The following NOMO1 variants were observed in gnomAD, a reference collection of about 807,000 sequenced individuals.
The protein encoded by NOMO1 is NODAL modulator 1, also known as nodal modulator 3.
Under a neutral mutation model 133.8 loss-of-function variants are expected in NOMO1, and 40 were observed. The observed-to-expected ratio is 0.30, with a 90% CI of 0.23 to 0.39. The LOEUF is 0.39. NOMO1 is among the 10% of genes least tolerant of loss of function. The pLI is 1.00. For synonymous variants in NOMO1, 236 were observed against 570.5 expected (o/e 0.41, Z 8.36); for missense variants, 462 against 1,419.9 (o/e 0.33, Z 10.84).
Position 14,853,475 on chromosome 16 carries a change from G to A in NOMO1, c.744G>A (p.Leu248=), listed in dbSNP as rs1327800434. Residue 248 remains leucine (L), a synonymous_variant, in exon 8 of 31, where the codon CTG becomes CTA. Coordinates refer to ENST00000287667, the MANE Select transcript of NOMO1 (RefSeq NM_014287.4). ...TTTACCCCCTGGCATAGGATGTCCT[G>A]GGCTGCAATGTCTCACCAGTGCCTG... ...FSSLVTKEDV[L]GCNVSPVPGF... The A allele has an allele frequency of 3.8e-6, 6 of 1,579,114 alleles. No homozygotes were observed. The highest frequency in any genetic ancestry group is 5.1e-6 in the Non-Finnish European group (6 of 1,166,730).
chr16:14,836,706 T>TC (rs1432248510), intron 1 of NOMO1, among the ~76,000 whole-genome samples: 1 of 147,814 alleles, frequency 6.8e-6, no homozygotes, highest in Non-Finnish European at 1.5e-5. Context: ...TTTTTTTTTT[T>TC]TTTTTTTTTT....
At chr16:14,876,609 C>A (rs1449378781) in intron 21 of NOMO1, 55 bp from the exon 22 acceptor site, 1 of 1,610,772 alleles carries the variant, frequency 6.2e-7, no homozygotes, top group South Asian at 1.1e-5. Flanking sequence ...CTTGGTAAGG[C>A]TTCCTGCAGG....
chr16:14,890,257 C>CA (rs1439053735), intron 29 of NOMO1, among the ~76,000 whole-genome samples: 1 of 119,698 alleles, frequency 8.4e-6, no homozygotes, highest in East Asian at 2.6e-4. Context: ...ATTAAACAGA[C>CA]ACATCAGCAA....
Position 14,833,783 on chromosome 16 carries a change from C to T in NOMO1, c.-69C>T, listed in dbSNP as rs918596505. The T allele has an allele frequency of 1.3e-4, 56 of 428,434 alleles. No individual in the cohort carries two copies. Among genetic ancestry groups the T allele is most frequent in the Middle Eastern group, 1.2e-3 (2 of 1,692 alleles). 26.5% of individuals were successfully genotyped at this position (428,434 alleles called of 1,614,324 possible). ...CAGCCGGCCTAGGAGGAGGAAGGAG[C>T]CTGCGGCGTGCAGTGTGAGGGGCGG... On this transcript the variant is annotated 5_prime_UTR_variant, in exon 1 of 31. Transcript: ENST00000287667.
chr16:14,851,825 A>G (rs1480385221), intron 6 of NOMO1, among the ~76,000 whole-genome samples: 1 of 62,510 alleles, frequency 1.6e-5, no homozygotes, highest in African/African-American at 4.1e-5. Context: ...AAAATAGAAA[A>G]AAAGGCAAAA....
intron 1 of NOMO1, 22 bp downstream of exon 1, chr16:14,834,038 C>T: frequency 3.4e-6 from 1 of 296,752 alleles, no homozygotes; most frequent in Non-Finnish European, 5.1e-6. Context: ...CCCCGCCGCC[C>T]GGCGCCGAGT....
At chr16:14,864,364 A>T (rs1197437013) in intron 12 of NOMO1, among the ~76,000 whole-genome samples, 1 of 151,978 alleles carries the variant, frequency 6.6e-6, no homozygotes, top group Admixed American at 6.6e-5. Flanking sequence ...TTGTTCATAC[A>T]CATCGGTCTG....
chr16:14,841,965 G>C (rs1384834441), intron 3 of NOMO1, among the ~76,000 whole-genome samples: 1 of 151,868 alleles, frequency 6.6e-6, no homozygotes, highest in Non-Finnish European at 1.5e-5. Flanking sequence ...CTGGGTACTT[G>C]GACGATTAAT....
At chr16:14,873,267 C>G (rs1397461789) in intron 18 of NOMO1, among the ~76,000 whole-genome samples, 1 of 123,224 alleles carries the variant, frequency 8.1e-6, no homozygotes, top group East Asian at 2.0e-4. Context: ...ATGCAATTGA[C>G]ATGTTTTACA....
At chr16:14,866,308 C>T (rs565536962) in intron 14 of NOMO1, among the ~76,000 whole-genome samples, 5 of 150,538 alleles carry the variant, frequency 3.3e-5, no homozygotes, top group South Asian at 2.1e-4. Context: ...CATCCAAGTG[C>T]GTCGGCCTCC....
At chr16:14,885,740 G>A (rs960199624) in intron 27 of NOMO1, among the ~76,000 whole-genome samples, 10 of 151,790 alleles carry the variant, frequency 6.6e-5, no homozygotes, top group East Asian at 1.9e-4. Flanking sequence ...AGGGGAGGGC[G>A]CCACTCTCTT....
chr16:14,854,262 A>G (rs1431386807), intron 9 of NOMO1, among the ~76,000 whole-genome samples: 1 of 122,022 alleles, frequency 8.2e-6, no homozygotes, highest in Non-Finnish European at 1.7e-5. Flanking sequence ...CATGCATTTC[A>G]GGCACCATTC....
intron 1 of NOMO1, among the ~76,000 whole-genome samples, chr16:14,836,737 C>T (rs1159997586): frequency 1.7e-4 from 22 of 130,806 alleles, no homozygotes; most frequent in Admixed American, 1.2e-3. Context: ...CTCGCTCTGT[C>T]GCCCAGGCCG....
chr16:14,864,422 G>A lies in NOMO1; in HGVS notation c.1396-163G>A, dbSNP rs561523984. Among the ~76,000 whole-genome samples, 43 of 152,154 alleles carry A rather than the reference G, an allele frequency of 2.8e-4. 1 individual carries two copies. The East Asian group carries it at 7.0e-3, about 25-fold the overall frequency. ...GTAGAACTGTGCTTACTTCACACAA[G>A]TTATTCGTGGATTTGTTGTGATTGT... On this transcript the variant is annotated intron_variant, in intron 12 of 30. Coordinates refer to ENST00000287667, the MANE Select transcript of NOMO1 (RefSeq NM_014287.4).
At position 14,853,578 on chromosome 16, in the gene NOMO1, T is replaced by C. The variant is rs1234580006; in HGVS notation, c.847T>C (p.Ser283Pro). 1.2e-6 allele frequency: 2 copies of C among 1,610,940 alleles called. No individual in the cohort carries two copies. Among genetic ancestry groups the C allele is most frequent in the South Asian group, 2.2e-5 (2 of 90,922 alleles). Reference sequence around the variant, plus strand: ...AGAAGATGGCTCGTTCTCTTTCTATTCCTTGCCAAGTGGGGGCTACACTGT... The same window carrying C: ...AGAAGATGGCTCGTTCTCTTTCTATCCCTTGCCAAGTGGGGGCTACACTGT... ...SREDGSFSFY[S>P]LPSGGYTVIP... Residue 283 changes from serine (S) to proline (P), a missense_variant, in exon 8 of 31, where the codon TCC (serine) becomes CCC (proline). Ser to Pro is a moderately conservative substitution (Grantham distance 74, BLOSUM62 -1). Transcript: ENST00000287667.
At chr16:14,883,506 ATT>A (rs999125738) in intron 26 of NOMO1, among the ~76,000 whole-genome samples, 1 of 151,404 alleles carries the variant, frequency 6.6e-6, no homozygotes, top group African/African-American at 2.4e-5. Flanking sequence ...TAATTTTTGT[ATT>A]TTTAGTAGAG....
At chr16:14,886,096 C>T (rs1329767740) in intron 27 of NOMO1, among the ~76,000 whole-genome samples, 1 of 152,050 alleles carries the variant, frequency 6.6e-6, no homozygotes, top group African/African-American at 2.4e-5. Context: ...CACCTTAACC[C>T]TGCTCATGCC....
In NOMO1 at chr16:14,857,110, C is replaced by T. The variant is rs564959378; in HGVS notation, c.964-107C>T. 6.6e-4 allele frequency: 954 copies of T among 1,441,512 alleles called. 6 individuals are homozygous for T. The African/African-American group carries it at 0.011, about 16-fold the overall frequency. 89.3% of individuals were successfully genotyped at this position (1,441,512 alleles called of 1,614,324 possible). A position where few individuals can be genotyped will look rare whatever the true frequency, so the allele number is the denominator to read the frequency against. On this transcript the variant is annotated intron_variant, in intron 9 of 30. Coordinates refer to ENST00000287667, the MANE Select transcript of NOMO1 (RefSeq NM_014287.4). Reference sequence around the variant, plus strand: ...GGGGCACTGAGTGTTGGGAGGTGGGCGGCAGGAGCAGACATGGTAGGTGGT... The same window carrying T: ...GGGGCACTGAGTGTTGGGAGGTGGGTGGCAGGAGCAGACATGGTAGGTGGT...
At chr16:14,834,730 A>G (rs1329493911) in intron 1 of NOMO1, among the ~76,000 whole-genome samples, 1 of 143,798 alleles carries the variant, frequency 7.0e-6, no homozygotes, top group African/African-American at 2.6e-5. Flanking sequence ...AGTCCTGTTA[A>G]ATGTTTATCA....
Sources: allele counts gnomAD v4.1 joint callset (sites outside exome capture counted in the v4.1 genomes callset), GRCh38; gene constraint gnomAD v4.1.1; transcripts MANE v1.5; gene names NCBI Gene and HGNC (gene_info 2026-07-23, HGNC 2026-07-21).